The following SEC63 variants were observed in gnomAD, a reference collection of about 807,000 sequenced individuals.
SEC63 encodes SEC63 protein translocation regulator, also known as translocation protein SEC63 homolog.
Under a neutral mutation model 116.2 loss-of-function variants are expected in SEC63, and 56 were observed. That is an observed-to-expected ratio of 0.48 (90% confidence interval 0.39 to 0.60). The LOEUF is 0.60. SEC63 is among the 20% of genes least tolerant of loss of function. The pLI is 0.00. For synonymous variants in SEC63, 273 were observed against 294.6 expected (o/e 0.93, Z 0.75); for missense variants, 668 against 900.0 (o/e 0.74, Z 3.30).
intron 7 of SEC63, 174 bp from the exon 8 acceptor site, chr6:107,909,209 G>GA (rs1397321394): frequency 1.9e-5 from 10 of 532,934 alleles, no homozygotes; most frequent in Non-Finnish European, 3.4e-6. Context: ...CTCTACAAAA[G>GA]AAAAAGAAAA....
At chr6:107,935,591 A>C (rs1203754218) in intron 1 of SEC63, among the ~76,000 whole-genome samples, 1 of 72,186 alleles carries the variant, frequency 1.4e-5, no homozygotes, top group East Asian at 2.9e-4. Flanking sequence ...GCTTGAAGGC[A>C]GCATGCTCGT....
chr6:107,948,861 A>G (rs1770526867), intron 1 of SEC63, among the ~76,000 whole-genome samples: 1 of 152,178 alleles, frequency 6.6e-6, no homozygotes, highest in Non-Finnish European at 1.5e-5. Flanking sequence ...TCTCTGATCC[A>G]TTGTCCCTAG....
At chr6:107,953,575 G>A (rs1470933961) in intron 1 of SEC63, among the ~76,000 whole-genome samples, 3 of 145,060 alleles carry the variant, frequency 2.1e-5, no homozygotes, top group African/African-American at 2.6e-5. Context: ...GAGGTGGGGG[G>A]GTCAGCCCCC....
chr6:107,903,135 A>G (rs1210818883), intron 11 of SEC63, 137 bp from the exon 12 acceptor site: 3 of 875,960 alleles, frequency 3.4e-6, no homozygotes, highest in South Asian at 1.5e-5. Context: ...TTTTCCTTTA[A>G]AAGTTACCAG....
At chr6:107,941,440 C>A (rs1770373134) in intron 1 of SEC63, among the ~76,000 whole-genome samples, 1 of 151,278 alleles carries the variant, frequency 6.6e-6, no homozygotes, top group Admixed American at 6.6e-5. Flanking sequence ...GAGATCCAGG[C>A]TGCAATGAGC....
At chr6:107,929,368 A>G (rs1419540384) in intron 2 of SEC63, 47 bp downstream of exon 2, 2 of 957,882 alleles carry the variant, frequency 2.1e-6, no homozygotes, top group Admixed American at 3.5e-5. Context: ...ATGACCTAGC[A>G]AAGAGTAAGC....
chr6:107,882,317 C>T (rs1786431251), intron 17 of SEC63, among the ~76,000 whole-genome samples: 1 of 152,112 alleles, frequency 6.6e-6, no homozygotes, highest in Non-Finnish European at 1.5e-5. Flanking sequence ...CGCTAACAAA[C>T]CTAAAAGAAA....
chr6:107,956,258 C>G (rs1770708733), intron 1 of SEC63, among the ~76,000 whole-genome samples: 2 of 152,170 alleles, frequency 1.3e-5, no homozygotes, highest in South Asian at 4.1e-4. Context: ...CCACCGACTA[C>G]TCTCCCAATA....
chr6:107,878,303 A>T lies in SEC63; in HGVS notation c.1936-1641T>A, dbSNP rs1006841857. 2.6e-5 allele frequency among the ~76,000 whole-genome samples: 4 copies of T among 152,368 alleles called. No homozygotes were observed. The East Asian group carries it at 7.7e-4, about 29-fold the overall frequency. On this transcript the variant is annotated intron_variant, in intron 18 of 20. Coordinates refer to ENST00000369002, the MANE Select transcript of SEC63 (RefSeq NM_007214.5). ...CATGTTGTAAAGATGATCTGAGAGAATACAAATAAAAATATATGTTACAAA... is the reference window on the plus strand; with the variant it reads ...CATGTTGTAAAGATGATCTGAGAGATTACAAATAAAAATATATGTTACAAA...
At chr6:107,943,846 C>T (rs1373297827) in intron 1 of SEC63, among the ~76,000 whole-genome samples, 7 of 152,180 alleles carry the variant, frequency 4.6e-5, no homozygotes, top group Admixed American at 2.0e-4. Flanking sequence ...ACAGGATACT[C>T]GCTAAGACTT....
At chr6:107,925,251 T>C (rs997211975) in intron 2 of SEC63, among the ~76,000 whole-genome samples, 3 of 152,188 alleles carry the variant, frequency 2.0e-5, no homozygotes, top group Non-Finnish European at 4.4e-5. Context: ...AAATAAATAC[T>C]AAGTAAACCA....
Position 107,885,649 on chromosome 6 carries a change from A to T in SEC63, c.1675-2503T>A, listed in dbSNP as rs111943790. On this transcript the variant is annotated intron_variant, in intron 16 of 20. Transcript: ENST00000369002. Reference sequence around the variant, plus strand: ...TTTTGGGGGGAAAATTGTTAAGCTTATTCTAAAAATTGGCAGGAAATGTAA... The same window carrying T: ...TTTTGGGGGGAAAATTGTTAAGCTTTTTCTAAAAATTGGCAGGAAATGTAA... 7.0e-3 allele frequency among the ~76,000 whole-genome samples: 1,063 copies of T among 152,338 alleles called. 15 individuals carry two copies. The highest frequency in any genetic ancestry group is 0.024 in the African/African-American group (1,012 of 41,576).
At chr6:107,903,725 T>C (rs985325672) in intron 11 of SEC63, among the ~76,000 whole-genome samples, 1 of 152,168 alleles carries the variant, frequency 6.6e-6, no homozygotes, top group East Asian at 1.9e-4. Context: ...ACATGACATA[T>C]GAATCACTTT....
intron 13 of SEC63, among the ~76,000 whole-genome samples, chr6:107,901,041 A>G (rs190073435): frequency 1.3e-5 from 2 of 152,322 alleles, no homozygotes; most frequent in Admixed American, 1.3e-4. Context: ...CTAATAATAT[A>G]CTTCAAATAT....
chr6:107,902,785 T>C, intron 12 of SEC63, 59 bp downstream of exon 12: 1 of 1,519,284 alleles, frequency 6.6e-7, no homozygotes, highest in South Asian at 1.1e-5. Flanking sequence ...TTTATTCATG[T>C]TACCTTTAAG....
At chr6:107,954,376 C>A (rs931576355) in intron 1 of SEC63, among the ~76,000 whole-genome samples, 1 of 149,586 alleles carries the variant, frequency 6.7e-6, no homozygotes, top group Non-Finnish European at 1.5e-5. Context: ...GACCTCTGTT[C>A]ACTTGTTTAT....
intron 4 of SEC63, among the ~76,000 whole-genome samples, chr6:107,921,060 T>C: frequency 6.6e-6 from 1 of 152,160 alleles, no homozygotes; most frequent in East Asian, 1.9e-4. Flanking sequence ...TAACTAAGAA[T>C]AATCTTGTGT....
intron 1 of SEC63, among the ~76,000 whole-genome samples, chr6:107,947,642 A>C (rs1770503913): frequency 6.6e-6 from 1 of 152,216 alleles, no homozygotes; most frequent in African/African-American, 2.4e-5. Context: ...CCAATCACCA[A>C]AAGCTTTCAA....
At chr6:107,949,732 T>C (rs1770542562) in intron 1 of SEC63, among the ~76,000 whole-genome samples, 1 of 152,156 alleles carries the variant, frequency 6.6e-6, no homozygotes, top group African/African-American at 2.4e-5. Context: ...TGGGCTCAAG[T>C]GATCCTCCTG....
Sources: gnomAD v4.1 joint callset for allele counts (sites outside exome capture counted in the v4.1 genomes callset) on GRCh38, gnomAD v4.1.1 for gene constraint, MANE v1.5 for transcripts, NCBI Gene and HGNC (gene_info 2026-07-23, HGNC 2026-07-21) for gene names.